The following ACSL3 variants were observed in gnomAD, a reference collection of about 807,000 sequenced individuals.
ACSL3 encodes acyl-CoA synthetase long chain family member 3, also known as fatty acid CoA ligase Acsl3.
In ACSL3, 34 loss-of-function variants were observed where a neutral mutation model predicts 84.7. That is an observed-to-expected ratio of 0.40 (90% confidence interval 0.31 to 0.53). The LOEUF is 0.53. ACSL3 is among the 20% of genes least tolerant of loss of function. The pLI, the probability that ACSL3 is intolerant of heterozygous loss-of-function variation, is 0.48. For synonymous variants in ACSL3, 315 were observed against 299.4 expected (o/e 1.05, Z -0.54); for missense variants, 680 against 873.1 (o/e 0.78, Z 2.79).
At chr2:222,873,089 T>C (rs1323072704) in intron 1 of ACSL3, among the ~76,000 whole-genome samples, 1 of 152,206 alleles carries the variant, frequency 6.6e-6, no homozygotes, top group Non-Finnish European at 1.5e-5. Flanking sequence ...GTATGCTTCT[T>C]TGGTCCTCAG....
chr2:222,904,046 G>A (rs1263334659), intron 3 of ACSL3, among the ~76,000 whole-genome samples: 2 of 152,150 alleles, frequency 1.3e-5, no homozygotes, highest in Admixed American at 6.5e-5. Context: ...AGGCCGAGGC[G>A]GGCGGATCAC....
At chr2:222,872,415 C>T (rs981299911) in intron 1 of ACSL3, among the ~76,000 whole-genome samples, 9 of 151,954 alleles carry the variant, frequency 5.9e-5, no homozygotes, top group African/African-American at 7.3e-5. Flanking sequence ...TGCTCCTGGC[C>T]GACAGTTACA....
rs1334618248 is a variant in ACSL3, at chr2:222,943,800, T to C, written c.*2146T>C. 1 of 152,046 alleles carries C rather than the reference T, an allele frequency of 6.6e-6. No homozygotes were observed. Among genetic ancestry groups the C allele is most frequent in the African/African-American group, 2.4e-5 (1 of 41,400 alleles). The allele number at this position is 152,046 out of a possible 1,614,324, so 9.4% of individuals were successfully genotyped here. A position where few individuals can be genotyped will look rare whatever the true frequency, so the allele number is the denominator to read the frequency against. ...CTTTCAAGAGGAAAAAACTGTTCAA[T>C]GAAAAAACCACTCAATTATGACTCA... On this transcript the variant is annotated 3_prime_UTR_variant, in exon 17 of 17. Coordinates refer to ENST00000357430, the MANE Select transcript of ACSL3 (RefSeq NM_004457.5).
intron 2 of ACSL3, among the ~76,000 whole-genome samples, chr2:222,893,609 CTT>C (rs1376521757): frequency 6.6e-6 from 1 of 152,176 alleles, no homozygotes; most frequent in Non-Finnish European, 1.5e-5. Context: ...TGGCAACCTA[CTT>C]TTTTCCTGTT....
At chr2:222,886,051 A>AG (rs1695714684) in intron 1 of ACSL3, among the ~76,000 whole-genome samples, 1 of 152,150 alleles carries the variant, frequency 6.6e-6, no homozygotes, top group Non-Finnish European at 1.5e-5. Context: ...CTTTAAAAAA[A>AG]AAAGTTTATT....
chr2:222,933,540 T>A (rs1282687913), intron 15 of ACSL3: 4 of 277,446 alleles, frequency 1.4e-5, no homozygotes, highest in African/African-American at 2.2e-5. Context: ...AATAAAACCT[T>A]CCTTCCTGCT....
At chr2:222,883,646 T>A (rs150586193) in intron 1 of ACSL3, among the ~76,000 whole-genome samples, 1 of 152,208 alleles carries the variant, frequency 6.6e-6, no homozygotes, top group Non-Finnish European at 1.5e-5. Context: ...TATATTGCAG[T>A]GTGCTTTAGG....
intron 14 of ACSL3, 171 bp from the exon 15 acceptor site, chr2:222,932,995 A>G: frequency 2.0e-6 from 1 of 495,376 alleles, no homozygotes; most frequent in Admixed American, 3.6e-5. Flanking sequence ...TTAGGGCCTA[A>G]TTTTAATATG....
intron 1 of ACSL3, among the ~76,000 whole-genome samples, chr2:222,887,428 T>C (rs747905147): frequency 6.6e-6 from 1 of 152,198 alleles, no homozygotes; most frequent in Non-Finnish European, 1.5e-5. Flanking sequence ...TTCAACTCTT[T>C]TGGGTAAATA....
At position 222,941,711 on chromosome 2, in the gene ACSL3, T is replaced by G. The variant is rs1371441535; in HGVS notation, c.*57T>G. On this transcript the variant is annotated 3_prime_UTR_variant, in exon 17 of 17. Transcript: ENST00000357430. ...GAGCTCAGATCAAATAGGAAAATAC[T>G]TGAAATGCATGTCTCAAGCTGCAAG... 3 of 1,517,346 alleles carry G rather than the reference T, an allele frequency of 2.0e-6. No homozygotes were observed. Among genetic ancestry groups the G allele is most frequent in the Non-Finnish European group, 2.7e-6 (3 of 1,126,514 alleles). The allele number at this position is 1,517,346 out of a possible 1,614,324, so 94.0% of individuals were successfully genotyped here.
At chr2:222,909,875 G>A (rs2106118852) in intron 4 of ACSL3, 1 of 152,262 alleles carries the variant, frequency 6.6e-6, no homozygotes, top group South Asian at 2.1e-4. Flanking sequence ...TGAGTTAGTT[G>A]TTATTATTTT....
intron 8 of ACSL3, 41 bp from the exon 9 acceptor site, chr2:222,922,667 G>C (rs371238819): frequency 6.2e-7 from 1 of 1,610,806 alleles, no homozygotes; most frequent in Non-Finnish European, 8.5e-7. Flanking sequence ...TGGCATAGAC[G>C]ACACCTGACT....
At chr2:222,879,209 G>A (rs953829031) in intron 1 of ACSL3, among the ~76,000 whole-genome samples, 4 of 152,058 alleles carry the variant, frequency 2.6e-5, no homozygotes, top group African/African-American at 7.2e-5. Flanking sequence ...TCCCAGCTAC[G>A]TGGGAGGCTG....
chr2:222,897,666 T>TC lies in ACSL3; in HGVS notation c.-147-3005dup, dbSNP rs1390837177. Reference sequence around the variant, plus strand: ...TGAGTGAACGAGACTCCGTCTGCCATCCCGGCACCTCGGGAGGCCGAGGCT... The same window carrying TC: ...TGAGTGAACGAGACTCCGTCTGCCATCCCCGGCACCTCGGGAGGCCGAGGCT... On this transcript the variant is annotated intron_variant, in intron 2 of 16. Transcript: ENST00000357430. 8.1e-4 allele frequency among the ~76,000 whole-genome samples: 32 copies of TC among 39,318 alleles called. 14 individuals carry two copies. The East Asian group carries it at 0.069, about 85-fold the overall frequency. The allele number at this position is 39,318 out of a possible 152,430, so 25.8% of individuals were successfully genotyped here.
At chr2:222,941,236 C>T (rs1047198194) in intron 16 of ACSL3, among the ~76,000 whole-genome samples, 6 of 152,100 alleles carry the variant, frequency 3.9e-5, no homozygotes, top group East Asian at 1.9e-4. Context: ...GGCTCTAACT[C>T]GTTTTCAATG....
intron 16 of ACSL3, among the ~76,000 whole-genome samples, chr2:222,935,126 C>G (rs1050794353): frequency 6.6e-6 from 1 of 152,138 alleles, no homozygotes; most frequent in Non-Finnish European, 1.5e-5. Flanking sequence ...TATTGTTGGT[C>G]TAATAAAAAC....
At chr2:222,884,553 T>C (rs2106097018) in intron 1 of ACSL3, among the ~76,000 whole-genome samples, 1 of 152,308 alleles carries the variant, frequency 6.6e-6, no homozygotes, top group African/African-American at 2.4e-5. Context: ...ATCAGTCCAA[T>C]CTTTCAGGCC....
At position 222,922,928 on chromosome 2, in the gene ACSL3, G is replaced by T. The variant is rs1696779467; in HGVS notation, c.1080+97G>T. On this transcript the variant is annotated intron_variant, in intron 9 of 16. Transcript: ENST00000357430. ...ATGACAGTATATTGCGAGAGCGATG[G>T]TTCATTTTAAAATGAGCTTTAGCCT... 10 of 1,515,252 alleles carry T rather than the reference G, an allele frequency of 6.6e-6. No individual in the cohort carries two copies. The South Asian group carries it at 1.2e-4, about 18-fold the overall frequency. 93.9% of individuals were successfully genotyped at this position (1,515,252 alleles called of 1,614,324 possible).
chr2:222,868,563 CTG>C (rs1334017246), intron 1 of ACSL3, among the ~76,000 whole-genome samples: 3 of 152,126 alleles, frequency 2.0e-5, no homozygotes, highest in Non-Finnish European at 2.9e-5. Context: ...TGTTTTATAA[CTG>C]TTAGTGGAGA....
Sources: allele counts gnomAD v4.1 joint callset (sites outside exome capture counted in the v4.1 genomes callset), GRCh38; gene constraint gnomAD v4.1.1; transcripts MANE v1.5; gene names NCBI Gene and HGNC (gene_info 2026-07-23, HGNC 2026-07-21).